The following SORL1 variants were observed in gnomAD, a reference collection of about 807,000 sequenced individuals.
The protein encoded by SORL1 is sortilin-related receptor.
Under a neutral mutation model 273.7 loss-of-function variants are expected in SORL1, and 127 were observed. That is an observed-to-expected ratio of 0.46 (90% CI 0.40 to 0.54). The LOEUF (loss-of-function observed/expected upper bound fraction) is 0.54. Among genes scored for constraint, SORL1 ranks in the 20% least tolerant of loss-of-function variants. SORL1 has a pLI of 0.00. For missense variants in SORL1, 2,494 were observed against 2,846.1 expected, an observed-to-expected ratio of 0.88 and a Z score of 2.81; for synonymous variants, 1,031 against 1,067.4, an observed-to-expected ratio of 0.97 and a Z score of 0.66.
intron 40 of SORL1, among the ~76,000 whole-genome samples, chr11:121,613,896 G>A (rs1863603799): frequency 6.6e-6 from 1 of 152,338 alleles, no homozygotes; most frequent in East Asian, 1.9e-4. Context: ...GCGATGCTAG[G>A]CATTATGCCA....
At chr11:121,520,414 C>T (rs1762079520) in intron 8 of SORL1, among the ~76,000 whole-genome samples, 1 of 152,038 alleles carries the variant, frequency 6.6e-6, no homozygotes, top group African/African-American at 2.4e-5. Flanking sequence ...ACACATGGAG[C>T]AGATGAGTGG....
At position 121,625,285 on chromosome 11, in the gene SORL1, G is replaced by C; in HGVS notation, c.6364+8G>C. 6.2e-7 allele frequency: 1 copy of C among 1,601,324 alleles called. No individual in the cohort carries two copies. The highest frequency in any genetic ancestry group is 1.1e-5 in the South Asian group (1 of 89,430). On this transcript the variant is annotated splice_region_variant and intron_variant, in intron 46 of 47. Transcript: ENST00000260197. ...ACGATGAGCTGGGGTCTGGTGAGTTGCGATTGCTGCCCGTTTCTGTCTTCA... is the reference window on the plus strand; with the variant it reads ...ACGATGAGCTGGGGTCTGGTGAGTTCCGATTGCTGCCCGTTTCTGTCTTCA...
Position 121,478,151 on chromosome 11 carries a change from A to C in SORL1, c.436A>C (p.Lys146Gln). 6.2e-7 allele frequency: 1 copy of C among 1,614,100 alleles called. No homozygotes were observed. Among genetic ancestry groups the C allele is most frequent in the Non-Finnish European group, 8.5e-7 (1 of 1,180,002 alleles). ...GTCTTACGACTATGGAAAATCATTCAAGAAAATTTCAGACAAGTTAAACTT... is the reference window on the plus strand; with the variant it reads ...GTCTTACGACTATGGAAAATCATTCCAGAAAATTTCAGACAAGTTAAACTT... The part of the protein sequence containing the change: ...YVSYDYGKSF[K>Q]KISDKLNFGL... Residue 146 changes from lysine (K) to glutamine (Q), a missense_variant, in exon 3 of 48, where the codon AAG becomes CAG. Physicochemically the swap from Lys to Gln is moderately conservative, Grantham distance 53. Coordinates refer to ENST00000260197, the MANE Select transcript of SORL1 (RefSeq NM_003105.6).
intron 6 of SORL1, among the ~76,000 whole-genome samples, chr11:121,502,121 A>ATT (rs1242828050): frequency 3.6e-5 from 3 of 82,370 alleles, no homozygotes; most frequent in African/African-American, 4.2e-5. Context: ...TCATGTGACA[A>ATT]TTCTTTTTTT....
At chr11:121,466,480 G>C (rs1206511877) in intron 1 of SORL1, among the ~76,000 whole-genome samples, 1 of 152,180 alleles carries the variant, frequency 6.6e-6, no homozygotes. Context: ...TCTGCCCTGG[G>C]CTGCTGGTGT....
Position 121,625,142 on chromosome 11 carries a change from A to T in SORL1, c.6229A>T (p.Thr2077Ser). ...AMNITAYLGN[T>S]TDNFFKISNL... is the part of the protein sequence containing the mutation. ...GAATATCACAGCTTACCTTGGGAAT[A>T]CTACTGACAATTTCTTTAAAATTTC... Residue 2077 changes from threonine (T) to serine (S), a missense_variant, in exon 46 of 48, where the codon ACT becomes TCT. Physicochemically the swap from Thr to Ser is moderately conservative, Grantham distance 58. This residue lies in a region of SORL1 where 1,609 missense variants were observed against 1,816.4 expected (regional missense o/e 0.89). Transcript: ENST00000260197. 1 of 1,613,488 alleles carries T rather than the reference A, an allele frequency of 6.2e-7. No homozygotes were observed. Among genetic ancestry groups the T allele is most frequent in the Non-Finnish European group, 8.5e-7 (1 of 1,179,420 alleles).
At chr11:121,594,079 C>A (rs1471877395) in intron 31 of SORL1, among the ~76,000 whole-genome samples, 1 of 150,094 alleles carries the variant, frequency 6.7e-6, no homozygotes, top group East Asian at 2.0e-4. Context: ...TGCCTTCAAG[C>A]AGCTTTTCGG....
Position 121,591,143 on chromosome 11 carries a change from C to T in SORL1, c.4356C>T (p.Ala1452=). The T allele has an allele frequency of 6.2e-7, 1 of 1,614,168 alleles. No homozygotes were observed. Among genetic ancestry groups the T allele is most frequent in the Non-Finnish European group, 8.5e-7 (1 of 1,180,032 alleles). ...RDCADGSDEE[A]CPLLANVTAA... is the part of the protein sequence containing the mutation. Reference sequence around the variant, plus strand: ...GTGCAGATGGCTCTGACGAGGAAGCCTGCCCCTTGCTTGGTGAGTTCTGGC... The same window carrying T: ...GTGCAGATGGCTCTGACGAGGAAGCTTGCCCCTTGCTTGGTGAGTTCTGGC... The change falls in exon 31 of 48, where the codon GCC becomes GCT. Residue 1452 remains alanine, a synonymous_variant. Transcript: ENST00000260197.
intron 5 of SORL1, among the ~76,000 whole-genome samples, chr11:121,495,662 G>A (rs762268945): frequency 1.3e-5 from 2 of 152,094 alleles, no homozygotes; most frequent in Non-Finnish European, 2.9e-5. Flanking sequence ...CCATGGCCTT[G>A]GTGTTCTTGA....
At chr11:121,473,957 C>G (rs1271396847) in intron 2 of SORL1, among the ~76,000 whole-genome samples, 1 of 152,124 alleles carries the variant, frequency 6.6e-6, no homozygotes, top group African/African-American at 2.4e-5. Context: ...ATAGGACTTT[C>G]TGCTTTTGTC....
chr11:121,605,458 C>T lies in SORL1; in HGVS notation c.4835C>T (p.Thr1612Ile). The T allele has an allele frequency of 6.2e-7, 1 of 1,614,034 alleles. No homozygotes were observed. The highest frequency in any genetic ancestry group is 8.5e-7 in the Non-Finnish European group (1 of 1,179,964). The part of the protein sequence containing the change: ...TLETHSNKTN[T>I]VLKVLKPDTT... Reference sequence around the variant, plus strand: ...GAGACCCACAGCAATAAGACAAACACTGTATTAAAAGTCTTGAAACCAGAT... The same window carrying T: ...GAGACCCACAGCAATAAGACAAACATTGTATTAAAAGTCTTGAAACCAGAT... Residue 1612 changes from threonine (T) to isoleucine (I), a missense_variant, in exon 35 of 48, where the codon ACT becomes ATT. Around this residue, in one of 3 missense-constraint regions of SORL1, gnomAD observed 1,609 missense variants for 1,816.4 expected, o/e 0.89. Coordinates refer to ENST00000260197, the MANE Select transcript of SORL1 (RefSeq NM_003105.6).
intron 2 of SORL1, among the ~76,000 whole-genome samples, chr11:121,472,420 C>T (rs1434295159): frequency 6.6e-6 from 1 of 152,208 alleles, no homozygotes; most frequent in Non-Finnish European, 1.5e-5. Context: ...AAGAGACTTG[C>T]ATGAGGTCAC....
At chr11:121,597,755 C>T (rs540846769) in intron 32 of SORL1, among the ~76,000 whole-genome samples, 170 of 152,220 alleles carry the variant, frequency 1.1e-3, no homozygotes, top group Non-Finnish European at 1.9e-3. Context: ...CCACCACGCC[C>T]GGTGACTGGC....
intron 2 of SORL1, among the ~76,000 whole-genome samples, chr11:121,471,130 C>G (rs1861160860): frequency 6.6e-6 from 1 of 152,138 alleles, no homozygotes; most frequent in Non-Finnish European, 1.5e-5. Flanking sequence ...TTAATTTGAA[C>G]ATACTAATGG....
chr11:121,597,342 A>G (rs1416935890), intron 32 of SORL1, among the ~76,000 whole-genome samples: 1 of 152,026 alleles, frequency 6.6e-6, no homozygotes, highest in Non-Finnish European at 1.5e-5. Flanking sequence ...TTTGTTGATC[A>G]TGCACAGCGT....
chr11:121,469,954 G>A (rs958914185), intron 1 of SORL1, 53 bp from the exon 2 acceptor site: 7 of 1,090,916 alleles, frequency 6.4e-6, no homozygotes, highest in African/African-American at 1.5e-5. Context: ...GATTTAGAAT[G>A]TGTGTGGCCA....
Position 121,550,693 on chromosome 11 carries a change from T to A in SORL1, c.2266+23T>A. 6.3e-7 allele frequency: 1 copy of A among 1,587,192 alleles called. No individual in the cohort carries two copies. Among genetic ancestry groups the A allele is most frequent in the Non-Finnish European group, 8.6e-7 (1 of 1,156,492 alleles). On this transcript the variant is annotated intron_variant, in intron 16 of 47. Transcript: ENST00000260197. The surrounding 1 kb of genome is among the most constrained non-coding windows in gnomAD (Gnocchi z 5.3). Reference sequence around the variant, plus strand: ...CAGGTAAGAGAGGTGGTTTCTTCCCTTTCATTTCTTGAGACATGGTTGAAG... The same window carrying A: ...CAGGTAAGAGAGGTGGTTTCTTCCCATTCATTTCTTGAGACATGGTTGAAG...
At chr11:121,536,663 C>T (rs771910288) in intron 12 of SORL1, among the ~76,000 whole-genome samples, 2 of 151,886 alleles carry the variant, frequency 1.3e-5, no homozygotes, top group African/African-American at 2.4e-5. Context: ...ATCCACCTGC[C>T]TTCCTAAGTG....
At chr11:121,604,402 A>G in intron 33 of SORL1, 78 bp downstream of exon 33, 1 of 1,541,024 alleles carries the variant, frequency 6.5e-7, no homozygotes. Flanking sequence ...TCCTGTGTAG[A>G]CCTTGAGCTA....
Sources: gnomAD v4.1 joint callset for allele counts (sites outside exome capture counted in the v4.1 genomes callset) on GRCh38, gnomAD v4.1.1 for gene constraint, gnomAD v4.1.1 regional missense constraint, Gnocchi (gnomAD v3.1) non-coding constraint, MANE v1.5 for transcripts, NCBI Gene and HGNC (gene_info 2026-07-23, HGNC 2026-07-21) for gene names.